The following GRAMD1B variants were observed in gnomAD, a reference collection of about 807,000 sequenced individuals.
GRAMD1B encodes the protein protein Aster-B.
GRAMD1B carries 37 observed loss-of-function variants against 99.7 expected under a neutral mutation model. That is an observed-to-expected ratio of 0.37 (90% CI 0.29 to 0.49). GRAMD1B has a LOEUF of 0.49. Among genes scored for constraint, GRAMD1B ranks in the 20% least tolerant of loss-of-function variants. GRAMD1B has a pLI of 0.98. For missense variants in GRAMD1B, 888 were observed against 1,009.2 expected, an observed-to-expected ratio of 0.88 and a Z score of 1.63; for synonymous variants, 427 against 387.6, an observed-to-expected ratio of 1.10 and a Z score of -1.19.
At chr11:123,583,381 GGT>G (rs1203146773) in intron 3 of GRAMD1B, among the ~76,000 whole-genome samples, 1 of 118,248 alleles carries the variant, frequency 8.5e-6, no homozygotes, top group African/African-American at 3.2e-5. Flanking sequence ...GCACGTGTGT[GGT>G]GTGTATGTGT....
At chr11:123,548,242 C>T (rs1203586629) in intron 2 of GRAMD1B, among the ~76,000 whole-genome samples, 1 of 148,478 alleles carries the variant, frequency 6.7e-6, no homozygotes, top group Non-Finnish European at 1.5e-5. Flanking sequence ...CTGACTTGTT[C>T]CCTTCCAGTC....
chr11:123,472,086 A>G (rs2714045), intron 1 of GRAMD1B, among the ~76,000 whole-genome samples: 40,748 of 151,816 alleles, frequency 0.27, 5,674 homozygotes, highest in East Asian at 0.48. Context: ...TGGCCAACAT[A>G]GCCAGGCATG....
At chr11:123,431,275 G>T in intron 1 of GRAMD1B, 109 bp downstream of exon 1, 1 of 595,938 alleles carries the variant, frequency 1.7e-6, no homozygotes, top group Non-Finnish European at 3.0e-6. Context: ...ACAGGAGCCC[G>T]TCACCAGAGG....
At chr11:123,448,490 A>G (rs1442514891) in intron 1 of GRAMD1B, among the ~76,000 whole-genome samples, 1 of 152,204 alleles carries the variant, frequency 6.6e-6, no homozygotes, top group Non-Finnish European at 1.5e-5. Context: ...AAGTGCTGGG[A>G]TTACAGGCAT....
intron 1 of GRAMD1B, among the ~76,000 whole-genome samples, chr11:123,472,755 T>C (rs1396134886): frequency 6.6e-6 from 1 of 152,184 alleles, no homozygotes; most frequent in Non-Finnish European, 1.5e-5. Flanking sequence ...CACTCCACCC[T>C]AATCTTATTA....
chr11:123,572,907 C>T (rs886973063), intron 2 of GRAMD1B, among the ~76,000 whole-genome samples: 4 of 148,892 alleles, frequency 2.7e-5, no homozygotes, highest in African/African-American at 5.0e-5. Flanking sequence ...AGGTAGACCC[C>T]GATGGCTGAG....
intron 1 of GRAMD1B, among the ~76,000 whole-genome samples, chr11:123,455,326 A>G (rs1256209319): frequency 1.3e-5 from 2 of 152,126 alleles, no homozygotes; most frequent in Non-Finnish European, 2.9e-5. Flanking sequence ...ATGTTGTCCT[A>G]GCAACATAGT....
chr11:123,404,128 A>G (rs984113170), intron 1 of GRAMD1B, among the ~76,000 whole-genome samples: 9 of 152,238 alleles, frequency 5.9e-5, no homozygotes, highest in South Asian at 4.1e-4. Context: ...TGAATTCAGA[A>G]GTTTTATCTG....
chr11:123,538,222 A>G lies in GRAMD1B; in HGVS notation c.453-39145A>G, dbSNP rs556664550. On this transcript the variant is annotated intron_variant, in intron 2 of 19. Coordinates refer to ENST00000635736, the MANE Select transcript of GRAMD1B (RefSeq NM_001387025.1). ...CATTTATACTGGGAGCTTTTGCAGC[A>G]TTTTTTCATTGTTCTTCCTCACTCT... Among the ~76,000 whole-genome samples the G allele has an allele frequency of 3.3e-5, 5 of 151,766 alleles. No individual in the cohort carries two copies. In the East Asian group the frequency reaches 9.7e-4, roughly 30 times the overall value.
At chr11:123,508,923 G>A (rs531796422) in intron 2 of GRAMD1B, among the ~76,000 whole-genome samples, 2 of 152,290 alleles carry the variant, frequency 1.3e-5, no homozygotes, top group East Asian at 3.9e-4. Flanking sequence ...GACATCAGGT[G>A]ATCTGTCTAC....
At chr11:123,470,510 CTTTTTTTTT>C (rs61137951) in intron 1 of GRAMD1B, among the ~76,000 whole-genome samples, 1 of 102,736 alleles carries the variant, frequency 9.7e-6, no homozygotes. Context: ...TTCTTTCTTT[CTTTTTTTTT>C]TTTTTTTTTT....
chr11:123,464,665 T>C (rs1425825067), intron 1 of GRAMD1B, among the ~76,000 whole-genome samples: 1 of 152,208 alleles, frequency 6.6e-6, no homozygotes, highest in Non-Finnish European at 1.5e-5. Context: ...ACCTTTTTCT[T>C]TTCTTAAAAA....
intron 2 of GRAMD1B, among the ~76,000 whole-genome samples, chr11:123,545,764 AAACT>A (rs1696637308): frequency 1.3e-5 from 2 of 151,820 alleles, no homozygotes; most frequent in East Asian, 3.9e-4. Flanking sequence ...TTTTTTTGGT[AAACT>A]AACTGGTCAT....
chr11:123,516,432 A>T (rs1941676049), intron 2 of GRAMD1B, among the ~76,000 whole-genome samples: 1 of 152,226 alleles, frequency 6.6e-6, no homozygotes. Context: ...AACTCATTAG[A>T]TGCTCCATCC....
intron 2 of GRAMD1B, among the ~76,000 whole-genome samples, chr11:123,546,587 C>T (rs919876224): frequency 6.6e-6 from 1 of 152,132 alleles, no homozygotes; most frequent in East Asian, 1.9e-4. Context: ...TGCCCCTGTT[C>T]CCCAGTGAGG....
intron 2 of GRAMD1B, 126 bp from the exon 3 acceptor site, chr11:123,577,241 C>T (rs905096552): frequency 1.5e-4 from 123 of 802,648 alleles, no homozygotes; most frequent in Non-Finnish European, 1.4e-4. Flanking sequence ...CCGGTTTCTC[C>T]CCAGCCCCTC....
chr11:123,536,230 C>T (rs1398295107), intron 2 of GRAMD1B, among the ~76,000 whole-genome samples: 2 of 152,090 alleles, frequency 1.3e-5, no homozygotes, highest in East Asian at 1.9e-4. Flanking sequence ...GCCTGGCCAA[C>T]ATGGTGAAAC....
At chr11:123,440,187 G>A (rs1170193677) in intron 1 of GRAMD1B, among the ~76,000 whole-genome samples, 3 of 152,204 alleles carry the variant, frequency 2.0e-5, no homozygotes, top group African/African-American at 4.8e-5. Context: ...TGCTGCTGAA[G>A]TGAGCACAAG....
rs768289259 is a variant in GRAMD1B at position 123,610,158 on chromosome 11, C to A, written c.1777-38C>A. ...AGGTGCTTTTCCAAGCTTCTTGCTC[C>A]TCTTCAGTTTTGTCCAATGGACCTT... On this transcript the variant is annotated intron_variant, in intron 13 of 19. Transcript: ENST00000635736. The surrounding 1 kb of genome is among the most constrained non-coding windows in gnomAD (Gnocchi z 4.1). 6.2e-7 allele frequency: 1 copy of A among 1,610,570 alleles called. No homozygotes were observed. Among genetic ancestry groups the A allele is most frequent in the Non-Finnish European group, 8.5e-7 (1 of 1,177,240 alleles).
Sources: allele counts gnomAD v4.1 joint callset (sites outside exome capture counted in the v4.1 genomes callset), GRCh38; gene constraint gnomAD v4.1.1; non-coding constraint Gnocchi (gnomAD v3.1); transcripts MANE v1.5; gene names NCBI Gene and HGNC (gene_info 2026-07-23, HGNC 2026-07-21).